WDR43: variants seen among roughly 807,000 people sequenced by gnomAD.
WDR43 encodes the protein WD repeat domain 43, also known as WD repeat-containing protein 43.
Under a neutral mutation model 91.4 loss-of-function variants are expected in WDR43, and 13 were observed. The observed-to-expected ratio is 0.14, with a 90% CI of 0.09 to 0.23. WDR43 has a LOEUF of 0.23. Among genes scored for constraint, WDR43 ranks in the 10% least tolerant of loss-of-function variants. The pLI is 1.00. For synonymous variants in WDR43, 331 were observed against 287.9 expected, an observed-to-expected ratio of 1.15 and a Z score of -1.51; for missense variants, 780 against 809.4, an observed-to-expected ratio of 0.96 and a Z score of 0.44.
At chr2:28,934,056 C>T (rs1671294823) in intron 11 of WDR43, among the ~76,000 whole-genome samples, 1 of 152,154 alleles carries the variant, frequency 6.6e-6, no homozygotes, top group Admixed American at 6.5e-5. Flanking sequence ...TGGCCCTAAA[C>T]TGGAAAGAAC....
At chr2:28,908,756 C>T (rs1670732586) in intron 3 of WDR43, among the ~76,000 whole-genome samples, 1 of 152,156 alleles carries the variant, frequency 6.6e-6, no homozygotes, top group African/African-American at 2.4e-5. Context: ...GTTTTCTGTT[C>T]CAGACGCTAT....
chr2:28,896,227 G>A (rs537662569), intron 1 of WDR43, among the ~76,000 whole-genome samples: 3 of 152,212 alleles, frequency 2.0e-5, no homozygotes, highest in Non-Finnish European at 4.4e-5. Context: ...ATACGGAGCA[G>A]TGGTTAGGTA....
At chr2:28,933,988 C>G (rs1270915085) in intron 11 of WDR43, among the ~76,000 whole-genome samples, 1 of 152,128 alleles carries the variant, frequency 6.6e-6, no homozygotes, top group Admixed American at 6.6e-5. Flanking sequence ...TAGATATTTA[C>G]CAGGAGAATA....
intron 16 of WDR43, among the ~76,000 whole-genome samples, chr2:28,946,072 A>G (rs572454352): frequency 2.6e-5 from 4 of 152,292 alleles, no homozygotes; most frequent in South Asian, 4.1e-4. Context: ...GTGGTGGCTC[A>G]TGCCTATAAT....
rs1329787832 is a variant in WDR43, at chr2:28,906,468, A to G, written c.372A>G (p.Gly124=). 1.3e-6 allele frequency: 2 copies of G among 1,562,198 alleles called. No homozygotes were observed. The highest frequency in any genetic ancestry group is 2.7e-5 in the African/African-American group (2 of 73,388). The change falls in exon 3 of 18, where the codon GGA becomes GGG. Residue 124 remains glycine, a synonymous_variant. Transcript: ENST00000407426. The stretch of plus-strand genomic sequence containing the variant: ...TTTTTTTTAATCTACAGAGTGGTGG[A>G]CATGACAACAGAGTCAACTGCATAC... The part of the protein sequence containing the change: ...GELHSKLISG[G]HDNRVNCIQW...
Position 28,894,737 on chromosome 2 carries a change from C to A in WDR43, c.39C>A (p.Ala13=), listed in dbSNP as rs549672398. 4.4e-6 allele frequency: 7 copies of A among 1,587,092 alleles called. No individual in the cohort carries two copies. Among genetic ancestry groups the A allele is most frequent in the East Asian group, 2.3e-5 (1 of 43,422 alleles). Residue 13 remains alanine, a synonymous_variant, in exon 1 of 18, where the codon GCC becomes GCA. Coordinates refer to ENST00000407426, the MANE Select transcript of WDR43 (RefSeq NM_015131.3). ...GCGGCGGTAGCTGCGACCCCCTGGC[C>A]CCTGCTGGGGTCCCTTGCGCCTTCT... is the stretch of plus-strand genomic sequence containing the variant. ...AGGGGSCDPL[A]PAGVPCAFSP...
At chr2:28,906,613 A>G (rs1417558012) in intron 3 of WDR43, 32 bp downstream of exon 3, 8 of 1,600,260 alleles carry the variant, frequency 5.0e-6, no homozygotes, top group Non-Finnish European at 6.0e-6. Context: ...AGGAAATGCA[A>G]TAGACGTGGA....
chr2:28,929,582 A>G lies in WDR43; in HGVS notation c.1309A>G (p.Ser437Gly). 2 of 1,610,434 alleles carry G rather than the reference A, an allele frequency of 1.2e-6. No homozygotes were observed. Among genetic ancestry groups the G allele is most frequent in the Non-Finnish European group, 1.7e-6 (2 of 1,178,226 alleles). The change falls in exon 11 of 18, where the codon AGC becomes GGC. Residue 437 changes from serine to glycine, a missense_variant. Ser to Gly is a moderately conservative substitution (Grantham distance 56). Transcript: ENST00000407426. ...SKRKSGGNEVSIEERLGAMDI... is the reference protein window; with the variant it reads ...SKRKSGGNEVGIEERLGAMDI... ...AACAATCCTTTCTGTTCTGTAGGTT[A>G]GCATTGAAGAACGTCTGGGAGCAAT...
In WDR43 at chr2:28,902,014, T is replaced by A; in HGVS notation, c.253T>A (p.Ser85Thr). The A allele has an allele frequency of 6.3e-7, 1 of 1,595,314 alleles. No individual in the cohort carries two copies. The highest frequency in any genetic ancestry group is 8.5e-7 in the Non-Finnish European group (1 of 1,175,626). The change falls in exon 2 of 18, where the codon TCA (serine) becomes ACA (threonine). Residue 85 changes from serine (S) to threonine (T), a missense_variant. Ser to Thr is a moderately conservative substitution (Grantham distance 58). This residue lies in a region of WDR43 where 175 missense variants were observed against 113.8 expected (regional missense o/e 1.54). Transcript: ENST00000407426. ...AAGTCCCCAGAGGAAAAAAAGGAAA[T>A]CAGAAGCTGTAGGAATGAGTAACCA... ...KESPQRKKRK[S>T]EAVGMSNQTD...
chr2:28,929,505 A>AT (rs1384786620), intron 10 of WDR43, 74 bp from the exon 11 acceptor site: 2,012 of 1,220,538 alleles, frequency 1.6e-3, no homozygotes, highest in East Asian at 0.012. Flanking sequence ...ATTTTATTTT[A>AT]TTTTATTTTT....
At chr2:28,904,523 A>T (rs992239398) in intron 2 of WDR43, among the ~76,000 whole-genome samples, 15 of 152,220 alleles carry the variant, frequency 9.9e-5, no homozygotes, top group Admixed American at 7.9e-4. Flanking sequence ...ATGTAACCTC[A>T]CCAGCATGGG....
At chr2:28,939,630 C>T (rs1671397557) in intron 14 of WDR43, among the ~76,000 whole-genome samples, 1 of 152,160 alleles carries the variant, frequency 6.6e-6, no homozygotes, top group Non-Finnish European at 1.5e-5. Flanking sequence ...ACTCTGGTCC[C>T]CATCTTCTTG....
intron 14 of WDR43, among the ~76,000 whole-genome samples, chr2:28,940,682 G>A (rs1031785086): frequency 6.6e-6 from 1 of 152,188 alleles, no homozygotes; most frequent in Non-Finnish European, 1.5e-5. Flanking sequence ...TTTTATAGTT[G>A]ATCTAGGATA....
chr2:28,941,477 C>T lies in WDR43; in HGVS notation c.1637C>T (p.Pro546Leu), dbSNP rs199705337. 1.2e-6 allele frequency: 2 copies of T among 1,612,994 alleles called. No homozygotes were observed. Among genetic ancestry groups the T allele is most frequent in the Admixed American group, 1.7e-5 (1 of 59,880 alleles). ...SYLSTLPDLV[P>L]QLGTLYQLME... ...TTTCTCTAGTTGCCTGACCTGGTAC[C>T]CCAGCTGGGGACACTCTACCAGTTA... The change falls in exon 15 of 18, where the codon CCC (proline) becomes CTC (leucine). Residue 546 changes from proline (P) to leucine (L), a missense_variant. Transcript: ENST00000407426.
intron 5 of WDR43, among the ~76,000 whole-genome samples, chr2:28,914,793 GTGGCGCACGCC>G (rs1670875038): frequency 6.6e-6 from 1 of 152,130 alleles, no homozygotes; most frequent in South Asian, 2.1e-4. Context: ...GCCGGGCATG[GTGGCGCACGCC>G]TGTAGTCCCA....
At chr2:28,919,111 A>T (rs1670972237) in intron 6 of WDR43, among the ~76,000 whole-genome samples, 1 of 152,126 alleles carries the variant, frequency 6.6e-6, no homozygotes, top group Non-Finnish European at 1.5e-5. Flanking sequence ...TAAAAAAGTT[A>T]GCTGTGCATG....
intron 3 of WDR43, among the ~76,000 whole-genome samples, chr2:28,911,933 ACTT>A (rs1323316856): frequency 6.6e-6 from 1 of 152,260 alleles, no homozygotes; most frequent in East Asian, 1.9e-4. Context: ...CCCTGCTGTT[ACTT>A]CTTATAAGTG....
In WDR43 at chr2:28,920,292, C is replaced by T. The variant is rs976936876; in HGVS notation, c.849+2297C>T. ...CCAGGCTGGAGTGTAGTGGTGCGAT[C>T]TCAGCTCACTGCAATCTCTGCTTCC... On this transcript the variant is annotated intron_variant, in intron 6 of 17. Transcript: ENST00000407426. 2.8e-3 allele frequency among the ~76,000 whole-genome samples: 366 copies of T among 130,008 alleles called. 1 individual carries two copies. The highest frequency in any genetic ancestry group is 4.4e-3 in the Non-Finnish European group (283 of 65,006). The allele number at this position is 130,008 out of a possible 152,430, so 85.3% of individuals were successfully genotyped here.
At chr2:28,937,387 A>G (rs1671354642) in intron 13 of WDR43, among the ~76,000 whole-genome samples, 1 of 151,672 alleles carries the variant, frequency 6.6e-6, no homozygotes, top group Admixed American at 6.6e-5. Context: ...TATCATCAGT[A>G]TCTAGATAGT....
Sources: allele counts gnomAD v4.1 joint callset (sites outside exome capture counted in the v4.1 genomes callset), GRCh38; gene constraint gnomAD v4.1.1; regional missense constraint gnomAD v4.1.1; transcripts MANE v1.5; gene names NCBI Gene and HGNC (gene_info 2026-07-23, HGNC 2026-07-21).